The following RPS6KA6 variants were observed in gnomAD, a reference collection of about 807,000 sequenced individuals.
RPS6KA6 encodes ribosomal protein S6 kinase alpha-6.
A neutral mutation model predicts 65.4 loss-of-function variants in RPS6KA6; 27 were observed. The observed-to-expected ratio is 0.41, with a 90% CI of 0.30 to 0.57. The LOEUF is 0.57. Ranked by LOEUF, RPS6KA6 falls within the 20% of genes least tolerant of loss-of-function variation. The probability of loss-of-function intolerance (pLI) is 0.24; values close to 1 mark genes in which losing one functional copy is unlikely to be tolerated. For missense variants in RPS6KA6, 486 were observed against 555.6 expected (o/e 0.87, Z 1.26); for synonymous variants, 190 against 184.2 (o/e 1.03, Z -0.26).
intron 8 of RPS6KA6, among the ~76,000 whole-genome samples, chrX:84,122,889 C>A (rs1473401593): frequency 9.0e-6 from 1 of 111,530 alleles, no homozygotes; most frequent in African/African-American, 3.3e-5. Context: ...AGTACTTGTG[C>A]CACCATTCCC....
intron 1 of RPS6KA6, among the ~76,000 whole-genome samples, chrX:84,178,022 G>C (rs778817453): frequency 2.7e-5 from 3 of 111,216 alleles, no homozygotes; most frequent in South Asian, 3.8e-4. Flanking sequence ...TCAAACTCCT[G>C]GGCTCAAGTA....
At chrX:84,149,258 G>A (rs2035255738) in intron 3 of RPS6KA6, among the ~76,000 whole-genome samples, 1 of 111,293 alleles carries the variant, frequency 9.0e-6, no homozygotes, top group Non-Finnish European at 1.9e-5. Context: ...GATGTCTTGA[G>A]CCCCTCCAAG....
intron 6 of RPS6KA6, among the ~76,000 whole-genome samples, chrX:84,138,801 TTGTGTGTG>T (rs3077407): frequency 0.36 from 35,538 of 98,802 alleles, 5,122 homozygotes; most frequent in South Asian, 0.65. Flanking sequence ...ACCTGTGTAT[TTGTGTGTG>T]TGTGTGTGTG....
intron 2 of RPS6KA6, among the ~76,000 whole-genome samples, chrX:84,160,664 T>C (rs1278780055): frequency 9.0e-6 from 1 of 111,248 alleles, no homozygotes; most frequent in Non-Finnish European, 1.9e-5. Flanking sequence ...GGTGAAAAGA[T>C]CACCCTAAAA....
chrX:84,146,943 T>G (rs2035209608), intron 5 of RPS6KA6, 35 bp downstream of exon 5: 1 of 778,084 alleles, frequency 1.3e-6, no homozygotes. Context: ...AAATAAGGAT[T>G]AAAATAAATA....
chrX:84,142,882 C>T (rs1236907886), intron 6 of RPS6KA6, among the ~76,000 whole-genome samples: 1 of 110,965 alleles, frequency 9.0e-6, no homozygotes, highest in South Asian at 3.8e-4. Flanking sequence ...GATGCCTTCA[C>T]TGGTGAATTC....
chrX:84,180,629 A>G (rs750098283), intron 1 of RPS6KA6, among the ~76,000 whole-genome samples: 12 of 111,860 alleles, frequency 1.1e-4, no homozygotes, highest in African/African-American at 3.9e-4. Flanking sequence ...TTTTACATAT[A>G]CATTTTAGAA....
intron 1 of RPS6KA6, among the ~76,000 whole-genome samples, chrX:84,178,218 T>A (rs770497585): frequency 1.8e-5 from 2 of 112,287 alleles, no homozygotes; most frequent in South Asian, 7.3e-4. Flanking sequence ...TGAAGCTTAT[T>A]CAGTCTTGTA....
intron 1 of RPS6KA6, among the ~76,000 whole-genome samples, chrX:84,175,251 C>T (rs929272694): frequency 9.0e-6 from 1 of 111,285 alleles, no homozygotes; most frequent in African/African-American, 3.3e-5. Context: ...CAGGACCTCT[C>T]GTGGATGCCA....
At chrX:84,153,212 A>G (rs1480029605) in intron 3 of RPS6KA6, among the ~76,000 whole-genome samples, 1 of 111,957 alleles carries the variant, frequency 8.9e-6, no homozygotes, top group Non-Finnish European at 1.9e-5. Context: ...TCAAAAATTC[A>G]TTTTTAAGTC....
intron 21 of RPS6KA6, 31 bp downstream of exon 21, chrX:84,064,940 T>C (rs2033367988): frequency 1.7e-6 from 2 of 1,167,663 alleles, no homozygotes; most frequent in South Asian, 3.7e-5. Context: ...ATCTGATATC[T>C]CGAAGGCACA....
intron 8 of RPS6KA6, among the ~76,000 whole-genome samples, chrX:84,129,807 T>A (rs888876930): frequency 1.8e-5 from 2 of 110,789 alleles, no homozygotes; most frequent in Non-Finnish European, 3.8e-5. Context: ...ATTGAACTCA[T>A]GGAAATAGAG....
At chrX:84,170,031 A>G (rs149465344) in intron 1 of RPS6KA6, among the ~76,000 whole-genome samples, 6,728 of 108,826 alleles carry the variant, frequency 0.062, 229 homozygotes, top group East Asian at 0.21. Flanking sequence ...TTAGCTGTAC[A>G]TAGTGACACA....
chrX:84,164,258 T>C, intron 2 of RPS6KA6, 70 bp downstream of exon 2: 2 of 813,343 alleles, frequency 2.5e-6, no homozygotes, highest in Non-Finnish European at 3.7e-6. Flanking sequence ...TAGGAGCTTT[T>C]CTCCTTTCCC....
intron 10 of RPS6KA6, 48 bp from the exon 11 acceptor site, chrX:84,117,196 T>C: frequency 9.9e-7 from 1 of 1,014,093 alleles, no homozygotes. Context: ...AGCCACATTT[T>C]TGATTTGAAA....
In RPS6KA6 at chrX:84,186,172, T is replaced by C. The variant is rs1234280597; in HGVS notation, c.81+1647A>G. ...AATCTCTACAATACCTAAAACATAC[T>C]GCAAACAATAAAAAAACCATATGTG... On this transcript the variant is annotated intron_variant, in intron 1 of 21. Coordinates refer to ENST00000262752, the MANE Select transcript of RPS6KA6 (RefSeq NM_014496.5). The C allele has an allele frequency of 1.4e-5, 7 of 483,053 alleles. No individual in the cohort carries two copies. The Admixed American group carries it at 1.9e-4, about 13-fold the overall frequency. 39.8% of individuals were successfully genotyped at this position (483,053 alleles called of 1,213,427 possible).
chrX:84,121,729 T>C (rs190171059), intron 8 of RPS6KA6, among the ~76,000 whole-genome samples: 4 of 112,139 alleles, frequency 3.6e-5, no homozygotes, highest in Admixed American at 1.9e-4. Context: ...GAAAAATTCA[T>C]CCTCATACCA....
At chrX:84,106,281 C>T in intron 15 of RPS6KA6, 84 bp downstream of exon 15, 1 of 831,637 alleles carries the variant, frequency 1.2e-6, no homozygotes, top group Non-Finnish European at 1.7e-6. Flanking sequence ...TCTTCATTTA[C>T]TCCACTGAAA....
chrX:84,153,120 AT>A (rs756030421), intron 3 of RPS6KA6, among the ~76,000 whole-genome samples: 6 of 111,859 alleles, frequency 5.4e-5, no homozygotes, highest in African/African-American at 1.9e-4. Flanking sequence ...ACTTCAGGAA[AT>A]TTTAAGATGT....
Sources: allele counts gnomAD v4.1 joint callset (sites outside exome capture counted in the v4.1 genomes callset), GRCh38; gene constraint gnomAD v4.1.1; transcripts MANE v1.5; gene names NCBI Gene and HGNC (gene_info 2026-07-23, HGNC 2026-07-21).